ACSM2B: variants seen among roughly 807,000 people sequenced by gnomAD.
ACSM2B encodes acyl-coenzyme A synthetase ACSM2B, mitochondrial.
In ACSM2B, 58 loss-of-function variants were observed where a neutral mutation model predicts 78.6. The observed-to-expected ratio is 0.74, with a 90% CI of 0.60 to 0.92. The LOEUF (loss-of-function observed/expected upper bound fraction) is 0.92, where lower values mean the gene tolerates loss of function less well. Among genes scored for constraint, ACSM2B ranks in the 40% least tolerant of loss-of-function variants. ACSM2B has a pLI of 0.00. For missense variants in ACSM2B, 688 were observed against 711.2 expected (o/e 0.97, Z 0.37); for synonymous variants, 257 against 256.8 (o/e 1.00, Z -0.01).
intron 1 of ACSM2B, among the ~76,000 whole-genome samples, chr16:20,566,371 TA>T (rs988544738): frequency 7.5e-6 from 1 of 133,434 alleles, no homozygotes; most frequent in Non-Finnish European, 1.6e-5. Flanking sequence ...TATATCTATA[TA>T]AAATATATAT....
chr16:20,556,249 C>A (rs2015470690), intron 3 of ACSM2B, among the ~76,000 whole-genome samples: 1 of 152,162 alleles, frequency 6.6e-6, no homozygotes, highest in Non-Finnish European at 1.5e-5. Flanking sequence ...TTCCTAAATT[C>A]TTGTTCTTCT....
chr16:20,561,678 T>C (rs1423621101), intron 2 of ACSM2B, among the ~76,000 whole-genome samples: 2 of 150,590 alleles, frequency 1.3e-5, no homozygotes, highest in Admixed American at 6.6e-5. Flanking sequence ...AAAAATACAA[T>C]AATCTCTTTT....
intron 6 of ACSM2B, among the ~76,000 whole-genome samples, chr16:20,551,181 TG>T (rs372014348): frequency 1.3e-5 from 2 of 152,122 alleles, no homozygotes; most frequent in East Asian, 3.9e-4. Flanking sequence ...GATTAACTTA[TG>T]GGGGGCAGAT....
At chr16:20,549,889 T>C (rs1165979284) in intron 6 of ACSM2B, 1 of 400,950 alleles carries the variant, frequency 2.5e-6, no homozygotes, top group Non-Finnish European at 4.8e-6. Context: ...CTGGGATCAA[T>C]AGAAAGGAAT....
At chr16:20,568,300 A>G (rs1171536244) in intron 1 of ACSM2B, among the ~76,000 whole-genome samples, 3 of 144,908 alleles carry the variant, frequency 2.1e-5, no homozygotes, top group African/African-American at 7.5e-5. Context: ...TAAAATATAT[A>G]CATACTATTA....
At chr16:20,550,750 T>C (rs1237633076) in intron 6 of ACSM2B, among the ~76,000 whole-genome samples, 1 of 152,142 alleles carries the variant, frequency 6.6e-6, no homozygotes, top group Non-Finnish European at 1.5e-5. Flanking sequence ...CCCTCTATCA[T>C]AGAGTCCAAC....
chr16:20,548,984 C>T (rs62035058), intron 6 of ACSM2B, among the ~76,000 whole-genome samples: 2 of 152,130 alleles, frequency 1.3e-5, no homozygotes, highest in African/African-American at 4.8e-5. Context: ...AAAACAAGTG[C>T]TACAAAAAGA....
chr16:20,541,447 G>A (rs1293399256), intron 12 of ACSM2B: 2 of 152,092 alleles, frequency 1.3e-5, no homozygotes, highest in African/African-American at 4.8e-5. Flanking sequence ...CTTTATAGGG[G>A]TCTTTCTTTT....
intron 13 of ACSM2B, among the ~76,000 whole-genome samples, chr16:20,540,367 T>C (rs2014955719): frequency 1.3e-5 from 2 of 151,878 alleles, no homozygotes; most frequent in African/African-American, 2.4e-5. Flanking sequence ...CTCAGCCTCC[T>C]GAGTAGCTGG....
chr16:20,559,185 C>T, intron 3 of ACSM2B, 52 bp downstream of exon 3: 1 of 1,508,226 alleles, frequency 6.6e-7, no homozygotes, highest in Non-Finnish European at 8.9e-7. Context: ...TCTCTGCTAT[C>T]AGTTTTCTTC....
chr16:20,546,777 G>T (rs2015155408), intron 8 of ACSM2B: 2 of 294,236 alleles, frequency 6.8e-6, no homozygotes, highest in Admixed American at 5.1e-5. Context: ...GATACCCAAA[G>T]CCCTTGCAAA....
chr16:20,539,399 A>AT (rs201793829), intron 13 of ACSM2B, among the ~76,000 whole-genome samples: 59,641 of 81,524 alleles, frequency 0.73, 20,309 homozygotes, highest in Admixed American at 0.77. Flanking sequence ...CCTAGACTCA[A>AT]TTTTTTTTCT....
chr16:20,559,509 C>A, intron 2 of ACSM2B, 62 bp from the exon 3 acceptor site: 1 of 1,572,518 alleles, frequency 6.4e-7, no homozygotes, highest in Non-Finnish European at 8.7e-7. Flanking sequence ...AGGATAAATT[C>A]CAAGTCTTGG....
chr16:20,559,475 G>A (rs764482959), intron 2 of ACSM2B, 28 bp from the exon 3 acceptor site: 18 of 1,610,378 alleles, frequency 1.1e-5, no homozygotes, highest in African/African-American at 8.0e-5. Context: ...CTGTTGATTA[G>A]GGGGCATTGG....
At chr16:20,566,725 C>CTATATATACTATATATAGTATATATAG (rs1567218549) in intron 1 of ACSM2B, among the ~76,000 whole-genome samples, 1 of 22,208 alleles carries the variant, frequency 4.5e-5, no homozygotes, top group Non-Finnish European at 6.9e-5. Context: ...ATAGTATATA[C>CTATATATACTATATATAGTATATATAG]TATATATAGT....
intron 3 of ACSM2B, among the ~76,000 whole-genome samples, chr16:20,557,699 C>T (rs1028294847): frequency 2.6e-5 from 4 of 152,204 alleles, no homozygotes; most frequent in African/African-American, 9.6e-5. Context: ...AGCACCTGGC[C>T]ACCTCTACAT....
intron 12 of ACSM2B, 37 bp from the exon 13 acceptor site, chr16:20,540,810 G>T: frequency 1.1e-5 from 17 of 1,605,662 alleles, no homozygotes; most frequent in Non-Finnish European, 1.4e-5. Context: ...TAAGGGATTA[G>T]AGTGTGTAGT....
intron 13 of ACSM2B, among the ~76,000 whole-genome samples, chr16:20,538,946 C>A (rs1316693985): frequency 6.6e-6 from 1 of 152,090 alleles, no homozygotes; most frequent in African/African-American, 2.4e-5. Flanking sequence ...CACCACCAGA[C>A]CCCTGTGGGG....
At chr16:20,567,315 A>G (rs1394659249) in intron 1 of ACSM2B, among the ~76,000 whole-genome samples, 2 of 121,378 alleles carry the variant, frequency 1.6e-5, no homozygotes, top group African/African-American at 6.5e-5. Context: ...ACAATATATA[A>G]TATGTAATAT....
Sources: gnomAD v4.1 joint callset for allele counts (sites outside exome capture counted in the v4.1 genomes callset) on GRCh38, gnomAD v4.1.1 for gene constraint, MANE v1.5 for transcripts, NCBI Gene and HGNC (gene_info 2026-07-23, HGNC 2026-07-21) for gene names.